Variants in APAF1 observed in about 807,000 individuals in gnomAD.
APAF1 encodes the protein apoptotic peptidase activating factor 1.
A neutral mutation model predicts 152.4 loss-of-function variants in APAF1; 91 were observed. That is an observed-to-expected ratio of 0.60 (90% CI 0.50 to 0.71). The LOEUF (loss-of-function observed/expected upper bound fraction) is 0.71. Ranked by LOEUF, APAF1 falls within the 30% of genes least tolerant of loss-of-function variation. APAF1 has a pLI of 0.00. For synonymous variants in APAF1, 484 were observed against 494.1 expected (o/e 0.98, Z 0.27); for missense variants, 1,283 against 1,472.0 (o/e 0.87, Z 2.10).
At chr12:98,653,656 CAAAAAAAAAAAAAAAAAAAAAA>C (rs61301412) in intron 4 of APAF1, among the ~76,000 whole-genome samples, 2 of 17,534 alleles carry the variant, frequency 1.1e-4, no homozygotes, top group African/African-American at 4.3e-4. Context: ...GATGCCGTCT[CAAAAAAAAAAAAAAAAAAAAAA>C]AAAAAAAAAA....
intron 22 of APAF1, among the ~76,000 whole-genome samples, chr12:98,717,660 G>A (rs941663810): frequency 3.3e-5 from 5 of 152,196 alleles, no homozygotes; most frequent in African/African-American, 1.2e-4. Flanking sequence ...ACAGGCATGA[G>A]CCACTGTGCC....
At chr12:98,657,284 A>T (rs1047015886) in intron 4 of APAF1, among the ~76,000 whole-genome samples, 2 of 152,238 alleles carry the variant, frequency 1.3e-5, no homozygotes, top group African/African-American at 4.8e-5. Flanking sequence ...CCTAGACTTC[A>T]GCCATCATTG....
At chr12:98,654,197 T>C (rs558462286) in intron 4 of APAF1, among the ~76,000 whole-genome samples, 67 of 152,350 alleles carry the variant, frequency 4.4e-4, no homozygotes, top group African/African-American at 1.5e-3. Context: ...GAGATTTACA[T>C]ATCAGATGGT....
intron 20 of APAF1, among the ~76,000 whole-genome samples, chr12:98,711,330 C>G (rs2097727702): frequency 1.3e-5 from 2 of 152,108 alleles, no homozygotes; most frequent in Non-Finnish European, 2.9e-5. Flanking sequence ...CATTCTATGT[C>G]AGTGGTTGTG....
chr12:98,701,728 A>G lies in APAF1; in HGVS notation c.2467-1643A>G, dbSNP rs116626329. Among the ~76,000 whole-genome samples, 268 of 152,348 alleles carry G rather than the reference A, an allele frequency of 1.8e-3. 1 individual carries two copies. Among genetic ancestry groups the G allele is most frequent in the African/African-American group, 6.2e-3 (258 of 41,580 alleles). On this transcript the variant is annotated intron_variant, in intron 17 of 26. Coordinates refer to ENST00000551964, the MANE Select transcript of APAF1 (RefSeq NM_181861.2). ...CAGCAGTTCCCTGTTTTACCATGCT[A>G]AAAGAAAGCTACCCAAAGGTGTTCC...
chr12:98,648,555 G>C (rs531139990), intron 2 of APAF1, 58 bp downstream of exon 2: 2 of 1,608,896 alleles, frequency 1.2e-6, no homozygotes, highest in Non-Finnish European at 1.7e-6. Flanking sequence ...TTCAGAACTT[G>C]TACTGGTCTC....
intron 14 of APAF1, among the ~76,000 whole-genome samples, chr12:98,682,857 T>TATAAAC (rs796522892): frequency 3.3e-5 from 5 of 152,336 alleles, no homozygotes; most frequent in African/African-American, 1.2e-4. Flanking sequence ...CTTTCATTCA[T>TATAAAC]ATAAACATGT....
intron 5 of APAF1, among the ~76,000 whole-genome samples, chr12:98,661,657 C>T (rs549930327): frequency 6.6e-6 from 1 of 151,544 alleles, no homozygotes; most frequent in Non-Finnish European, 1.5e-5. Context: ...ATATTAGAGA[C>T]GGGGTTTCTC....
At chr12:98,704,534 CTAAG>C (rs2097719302) in intron 18 of APAF1, among the ~76,000 whole-genome samples, 1 of 152,128 alleles carries the variant, frequency 6.6e-6, no homozygotes, top group Non-Finnish European at 1.5e-5. Flanking sequence ...GGGAGAGTTG[CTAAG>C]CTATAGCCCT....
At position 98,673,442 on chromosome 12, in the gene APAF1, C is replaced by CAAAA. The variant is rs1162049645; in HGVS notation, c.1793+1734_1793+1737dup. Among the ~76,000 whole-genome samples, 12 of 89,246 alleles carry CAAAA rather than the reference C, an allele frequency of 1.3e-4. 1 individual carries two copies. The highest frequency in any genetic ancestry group is 5.1e-4 in the African/African-American group (12 of 23,754). 58.5% of individuals were successfully genotyped at this position (89,246 alleles called of 152,430 possible). On this transcript the variant is annotated intron_variant, in intron 12 of 26. Transcript: ENST00000551964. Reference sequence around the variant, plus strand: ...CAAAGTGAAGCTCTGTCTCAAAAAACAAAAAAAAAAAAAACAAAAAAAAAA... The same window carrying CAAAA: ...CAAAGTGAAGCTCTGTCTCAAAAAACAAAAAAAAAAAAAAAAAACAAAAAAAAAA...
chr12:98,686,632 A>G (rs2097698318), intron 15 of APAF1, 116 bp from the exon 16 acceptor site: 1 of 1,039,172 alleles, frequency 9.6e-7, no homozygotes, highest in Non-Finnish European at 1.4e-6. Flanking sequence ...TGTGAATTAA[A>G]CATCATTCTG....
intron 21 of APAF1, among the ~76,000 whole-genome samples, 192 bp from the exon 22 acceptor site, chr12:98,715,235 C>CATATATATATATATAT (rs61430351): frequency 7.3e-5 from 4 of 54,786 alleles, no homozygotes; most frequent in East Asian, 4.3e-4. Flanking sequence ...ACATGGTGTG[C>CATATATATATATATAT]ATATATATAT....
intron 22 of APAF1, among the ~76,000 whole-genome samples, chr12:98,717,042 T>A (rs972779581): frequency 6.6e-6 from 1 of 151,146 alleles, no homozygotes; most frequent in Non-Finnish European, 1.5e-5. Flanking sequence ...ATTTTTTGTA[T>A]TTTTTTTAGT....
intron 21 of APAF1, among the ~76,000 whole-genome samples, chr12:98,715,075 T>TC (rs1350443785): frequency 7.6e-5 from 11 of 143,878 alleles, no homozygotes; most frequent in Non-Finnish European, 1.5e-4. Context: ...TTAAATGTCT[T>TC]TTTTTTTTTT....
At chr12:98,704,440 T>C (rs1417020912) in intron 18 of APAF1, among the ~76,000 whole-genome samples, 2 of 152,250 alleles carry the variant, frequency 1.3e-5, no homozygotes, top group Non-Finnish European at 2.9e-5. Flanking sequence ...CCATGACTAC[T>C]GCAAGCACTT....
Position 98,732,717 on chromosome 12 carries a change from T to C in APAF1, c.*151T>C. ...AGTGTTTGTGGTTGGATGAATAATA[T>C]TAATGTAGCTTTTTCCCAAATGAAC... On this transcript the variant is annotated 3_prime_UTR_variant, in exon 27 of 27. Transcript: ENST00000551964. 4.9e-6 allele frequency: 3 copies of C among 610,298 alleles called. No individual in the cohort carries two copies. In the Admixed American group the frequency reaches 9.0e-5, roughly 18 times the overall value. The allele number at this position is 610,298 out of a possible 1,614,324, so 37.8% of individuals were successfully genotyped here.
intron 14 of APAF1, among the ~76,000 whole-genome samples, chr12:98,680,923 C>A (rs1220520008): frequency 1.3e-5 from 2 of 152,118 alleles, no homozygotes; most frequent in African/African-American, 4.8e-5. Context: ...TTGTAAGATA[C>A]AATTTTAAAA....
At chr12:98,687,915 G>A (rs1469375573) in intron 16 of APAF1, among the ~76,000 whole-genome samples, 1 of 152,074 alleles carries the variant, frequency 6.6e-6, no homozygotes, top group African/African-American at 2.4e-5. Context: ...GGGTTCAAGC[G>A]ATTCTCGTGC....
At chr12:98,679,103 C>G (rs957731328) in intron 13 of APAF1, among the ~76,000 whole-genome samples, 1 of 152,176 alleles carries the variant, frequency 6.6e-6, no homozygotes, top group East Asian at 1.9e-4. Flanking sequence ...CTTATAGTGC[C>G]TTTTCCAGGC....
Sources: allele counts gnomAD v4.1 joint callset (sites outside exome capture counted in the v4.1 genomes callset), GRCh38; gene constraint gnomAD v4.1.1; transcripts MANE v1.5; gene names NCBI Gene and HGNC (gene_info 2026-07-23, HGNC 2026-07-21).